Variants in CEP152 observed in about 807,000 individuals in gnomAD.
The protein encoded by CEP152 is centrosomal protein of 152 kDa.
A neutral mutation model predicts 188.9 loss-of-function variants in CEP152; 132 were observed. That is an observed-to-expected ratio of 0.70 (90% CI 0.61 to 0.81). The LOEUF is 0.81. Ranked by LOEUF, CEP152 falls within the 30% of genes least tolerant of loss-of-function variation. The probability of loss-of-function intolerance (pLI) is 0.00; values close to 1 mark genes in which losing one functional copy is unlikely to be tolerated. For missense variants in CEP152, 1,914 were observed against 1,969.8 expected, an observed-to-expected ratio of 0.97 and a Z score of 0.54; for synonymous variants, 649 against 666.6, an observed-to-expected ratio of 0.97 and a Z score of 0.41.
chr15:48,734,445 G>C (rs957893002), downstream of CEP152, among the ~76,000 whole-genome samples: 1 of 150,950 alleles, frequency 6.6e-6, no homozygotes, highest in Non-Finnish European at 1.5e-5. Context: ...ATAAATATCT[G>C]TTTAATGCAG....
intron 17 of CEP152, among the ~76,000 whole-genome samples, chr15:48,764,027 C>G (rs1265472089): frequency 2.6e-5 from 4 of 152,102 alleles, no homozygotes; most frequent in African/African-American, 9.7e-5. Flanking sequence ...CAAGAGGTGG[C>G]TAAATTCCTA....
At chr15:48,787,163 G>GTTTTTTGTTTTTTTTTTTTTTTT (rs71120640) in intron 9 of CEP152, among the ~76,000 whole-genome samples, 1 of 101,500 alleles carries the variant, frequency 9.9e-6, no homozygotes, top group African/African-American at 3.7e-5. Flanking sequence ...TATAGCCTTC[G>GTTTTTTGTTTTTTTTTTTTTTTT]TTTTTTTTTT....
At chr15:48,770,353 A>T (rs946058383) in intron 13 of CEP152, among the ~76,000 whole-genome samples, 4 of 152,200 alleles carry the variant, frequency 2.6e-5, no homozygotes, top group African/African-American at 4.8e-5. Flanking sequence ...CTGGACAAAA[A>T]GAATACTCAA....
rs765525246 is a variant in CEP152, at chr15:48,760,129, T to C, written c.2694+6A>G. ...TCCTGAAGTGTCTTTGCAGAAGAGC[T>C]CTTACCCTTTTGTTCACAGAGACCT... is the stretch of plus-strand genomic sequence containing the variant. On this transcript the variant is annotated splice_donor_region_variant and intron_variant, in intron 19 of 26. Coordinates refer to ENST00000380950, the MANE Select transcript of CEP152 (RefSeq NM_001194998.2). 1 of 1,613,856 alleles carries C rather than the reference T, an allele frequency of 6.2e-7. No individual in the cohort carries two copies. Among genetic ancestry groups the C allele is most frequent in the African/African-American group, 1.3e-5 (1 of 75,020 alleles).
Position 48,767,165 on chromosome 15 carries a change from C to G in CEP152, c.2175G>C (p.Glu725Asp). Reference sequence around the variant, plus strand: ...GGTAACATTCCTGCACAGCAGTCACCTCCTTATTCAACTTATCCAACTCAG... The same window carrying G: ...GGTAACATTCCTGCACAGCAGTCACGTCCTTATTCAACTTATCCAACTCAG... ...LRSELDKLNK[E>D]VTAVQECYLE... is the part of the protein sequence containing the mutation. The change falls in exon 17 of 27, where the codon GAG becomes GAC. Residue 725 changes from glutamate to aspartate, a missense_variant. Physicochemically the swap from Glu to Asp is conservative, Grantham distance 45. Coordinates refer to ENST00000380950, the MANE Select transcript of CEP152 (RefSeq NM_001194998.2). The G allele has an allele frequency of 1.2e-6, 2 of 1,613,844 alleles. No homozygotes were observed. The highest frequency in any genetic ancestry group is 1.7e-6 in the Non-Finnish European group (2 of 1,180,024).
At chr15:48,804,220 A>G (rs1305020610) in intron 2 of CEP152, among the ~76,000 whole-genome samples, 1 of 152,260 alleles carries the variant, frequency 6.6e-6, no homozygotes, top group Non-Finnish European at 1.5e-5. Flanking sequence ...TGTTTTTTAG[A>G]TAAGCCAGAG....
At chr15:48,798,094 C>A (rs1423435560) in intron 2 of CEP152, 43 bp from the exon 3 acceptor site, 1 of 1,518,166 alleles carries the variant, frequency 6.6e-7, no homozygotes, top group East Asian at 2.3e-5. Context: ...AACTTAAACA[C>A]AAGACACCAA....
At chr15:48,737,118 A>G (rs1892646355), downstream of CEP152, among the ~76,000 whole-genome samples, 1 of 152,178 alleles carries the variant, frequency 6.6e-6, no homozygotes, top group Non-Finnish European at 1.5e-5. Context: ...AGAGCTTTCC[A>G]AGCCCAAAAA....
chr15:48,730,236 G>A (rs1048872268), intron 2 of CEP152, among the ~76,000 whole-genome samples: 2 of 152,140 alleles, frequency 1.3e-5, no homozygotes, highest in Non-Finnish European at 2.9e-5. Flanking sequence ...CTGCTACAGT[G>A]GGCTCACTTG....
At chr15:48,752,882 C>T (rs964598798) in intron 20 of CEP152, among the ~76,000 whole-genome samples, 1 of 152,124 alleles carries the variant, frequency 6.6e-6, no homozygotes, top group Non-Finnish European at 1.5e-5. Flanking sequence ...AATGCTAACC[C>T]TCTGCCTCCT....
At position 48,791,284 on chromosome 15, in the gene CEP152, T is replaced by G. The variant is rs199862615; in HGVS notation, c.925A>C (p.Lys309Gln). Reference sequence around the variant, plus strand: ...GCTTGTATCTGAGTCTCCAGTGCTTTTATTTGAGCTTCAAGCTGTATCTCT... The same window carrying G: ...GCTTGTATCTGAGTCTCCAGTGCTTGTATTTGAGCTTCAAGCTGTATCTCT... ...EREIQLEAQI[K>Q]ALETQIQALK... The change falls in exon 8 of 27, where the codon AAA becomes CAA. Residue 309 changes from lysine to glutamine, a missense_variant. By Grantham distance (53) the Lys-to-Gln change is moderately conservative (BLOSUM62 1). Transcript: ENST00000380950. The G allele has an allele frequency of 2.1e-4, 343 of 1,613,102 alleles. 2 individuals are homozygous for G. In the African/African-American group the frequency reaches 4.1e-3, roughly 19 times the overall value.
intron 9 of CEP152, among the ~76,000 whole-genome samples, chr15:48,787,037 A>G (rs965138511): frequency 3.3e-5 from 5 of 152,146 alleles, no homozygotes; most frequent in African/African-American, 1.2e-4. Flanking sequence ...ACTAACTTCA[A>G]TGTTACCCTA....
chr15:48,772,721 A>C (rs1377659883), intron 12 of CEP152, 30 bp from the exon 13 acceptor site: 1 of 1,575,214 alleles, frequency 6.3e-7, no homozygotes, highest in South Asian at 1.1e-5. Flanking sequence ...TTTTAACATT[A>C]AATCAAGTAA....
rs773681807 is a variant in CEP152 at position 48,756,188 on chromosome 15, T to C, written c.3060A>G (p.Leu1020=). The change falls in exon 20 of 27, where the codon CTA becomes CTG. Residue 1020 remains leucine (L), a synonymous_variant. Coordinates refer to ENST00000380950, the MANE Select transcript of CEP152 (RefSeq NM_001194998.2). ...TAGTCCATTCTCTACGACTCTGGTC[T>C]AGACAAGTTTGTAATTCTGTCTCCT... ...LQKETELQTC[L]DQSRREWTMQ... is the part of the protein sequence containing the mutation. 3 of 1,614,032 alleles carry C rather than the reference T, an allele frequency of 1.9e-6. No homozygotes were observed. The highest frequency in any genetic ancestry group is 2.5e-6 in the Non-Finnish European group (3 of 1,179,956).
At chr15:48,751,791 CT>C (rs1893893226) in intron 21 of CEP152, among the ~76,000 whole-genome samples, 1 of 152,098 alleles carries the variant, frequency 6.6e-6, no homozygotes, top group Non-Finnish European at 1.5e-5. Flanking sequence ...TCAGTAAGCT[CT>C]GAATACAAGC....
intron 2 of CEP152, among the ~76,000 whole-genome samples, chr15:48,732,337 G>A (rs1452211471): frequency 6.6e-6 from 1 of 152,194 alleles, no homozygotes. Context: ...TACACACCAT[G>A]GAATACTATG....
chr15:48,770,716 T>C (rs1737137300), intron 13 of CEP152, among the ~76,000 whole-genome samples: 1 of 152,200 alleles, frequency 6.6e-6, no homozygotes, highest in Non-Finnish European at 1.5e-5. Context: ...TTTAAAGATG[T>C]TAAATGTGCA....
At chr15:48,774,983 G>A (rs909409618) in intron 12 of CEP152, among the ~76,000 whole-genome samples, 1 of 151,850 alleles carries the variant, frequency 6.6e-6, no homozygotes, top group Non-Finnish European at 1.5e-5. Flanking sequence ...ATGTTATTAA[G>A]TAAACAAAAG....
downstream of CEP152, among the ~76,000 whole-genome samples, chr15:48,736,959 T>G (rs144621791): frequency 6.2e-4 from 95 of 152,304 alleles, no homozygotes; most frequent in Non-Finnish European, 8.4e-4. Context: ...ACAGCCTAAC[T>G]GTTGGAGAAG....
Sources: gnomAD v4.1 joint callset for allele counts (sites outside exome capture counted in the v4.1 genomes callset) on GRCh38, gnomAD v4.1.1 for gene constraint, MANE v1.5 for transcripts, NCBI Gene and HGNC (gene_info 2026-07-23, HGNC 2026-07-21) for gene names.